Variants in PPP6R2 observed in about 807,000 individuals in gnomAD.
PPP6R2 encodes serine/threonine-protein phosphatase 6 regulatory subunit 2.
Under a neutral mutation model 100.2 loss-of-function variants are expected in PPP6R2, and 62 were observed. That is an observed-to-expected ratio of 0.62 (90% CI 0.50 to 0.76). The LOEUF (loss-of-function observed/expected upper bound fraction) is 0.76, where lower values mean the gene tolerates loss of function less well. Ranked by LOEUF, PPP6R2 falls within the 30% of genes least tolerant of loss-of-function variation. PPP6R2 has a pLI of 0.00. For synonymous variants in PPP6R2, 525 were observed against 514.7 expected, an observed-to-expected ratio of 1.02 and a Z score of -0.27; for missense variants, 1,142 against 1,276.3, an observed-to-expected ratio of 0.89 and a Z score of 1.60.
At chr22:50,441,064 A>G (rs1472712578) in intron 22 of PPP6R2, 38 bp downstream of exon 22, 3 of 1,469,588 alleles carry the variant, frequency 2.0e-6, no homozygotes, top group Non-Finnish European at 9.1e-7. Context: ...TGCCGGGTGC[A>G]TAGGGCGTGG....
In PPP6R2 at chr22:50,404,401, CT is replaced by C. The variant is rs555381535; in HGVS notation, c.228-2281del. 4.2e-3 allele frequency among the ~76,000 whole-genome samples: 634 copies of C among 150,194 alleles called. 4 individuals carry two copies. Among genetic ancestry groups the C allele is most frequent in the Middle Eastern group, 0.024 (7 of 288 alleles). ...TGAGCCACTGCACCCGGCATATATT[CT>C]TTTTTTAAGTCAGAGTCTTACTCTG... On this transcript the variant is annotated intron_variant, in intron 3 of 23. Coordinates refer to ENST00000612753, the MANE Select transcript of PPP6R2 (RefSeq NM_001242898.2).
intron 1 of PPP6R2, among the ~76,000 whole-genome samples, chr22:50,364,822 A>T (rs2048419251): frequency 6.6e-6 from 1 of 151,882 alleles, no homozygotes; most frequent in African/African-American, 2.4e-5. Context: ...AGAGTGCCAA[A>T]GTTGTATTGT....
At chr22:50,346,791 C>T (rs1478842391) in intron 1 of PPP6R2, among the ~76,000 whole-genome samples, 4 of 139,322 alleles carry the variant, frequency 2.9e-5, no homozygotes, top group Admixed American at 1.4e-4. Context: ...GTCCCCCAGT[C>T]AGAGTCCCGC....
intron 4 of PPP6R2, among the ~76,000 whole-genome samples, chr22:50,410,225 C>G (rs1283657234): frequency 6.6e-6 from 1 of 152,114 alleles, no homozygotes; most frequent in African/African-American, 2.4e-5. Context: ...GTCTGACAAA[C>G]TGTGGTCCAC....
the PPP6R2 span, among the ~76,000 whole-genome samples, chr22:50,337,895 G>A: frequency 1.4e-5 from 2 of 142,804 alleles, no homozygotes; most frequent in Non-Finnish European, 3.1e-5. Flanking sequence ...TGTGGTGTGT[G>A]TGGTCTGTGT....
rs568850247 is a variant in PPP6R2 at position 50,383,425 on chromosome 22, C to T, written c.-16-10468C>T. ...TTTAATTTTTGTTTTTAGGGTTGCC[C>T]GTGTTTTCCCAAATACAGAATTCTA... is the stretch of plus-strand genomic sequence containing the variant. On this transcript the variant is annotated intron_variant, in intron 2 of 23. Transcript: ENST00000612753. 5.9e-5 allele frequency among the ~76,000 whole-genome samples: 9 copies of T among 152,170 alleles called. No individual in the cohort carries two copies. In the East Asian group the frequency reaches 1.3e-3, roughly 23 times the overall value.
intron 3 of PPP6R2, among the ~76,000 whole-genome samples, chr22:50,403,677 C>T (rs1383130546): frequency 2.0e-5 from 3 of 152,324 alleles, no homozygotes; most frequent in East Asian, 3.9e-4. Context: ...CCTACTCCAT[C>T]GGGCCCCAGC....
chr22:50,375,503 C>G lies in PPP6R2; in HGVS notation c.-17+3353C>G, dbSNP rs115074754. On this transcript the variant is annotated intron_variant, in intron 2 of 23. Transcript: ENST00000612753. ...AATAGCCTAAAGGAGACCCTCCCCA[C>G]ACCGATGGAACTCTGAAGGGCTCTA... Among the ~76,000 whole-genome samples the G allele has an allele frequency of 2.6e-3, 401 of 152,262 alleles. 2 individuals are homozygous for G. The highest frequency in any genetic ancestry group is 9.1e-3 in the African/African-American group (377 of 41,552).
intron 1 of PPP6R2, 68 bp from the exon 2 acceptor site, chr22:50,371,949 TGTC>T (rs972037837): frequency 6.6e-6 from 1 of 152,258 alleles, no homozygotes; most frequent in Non-Finnish European, 1.5e-5. Flanking sequence ...CTTTTCCTGT[TGTC>T]TGCCATTTTG....
intron 1 of PPP6R2, among the ~76,000 whole-genome samples, chr22:50,361,321 T>C (rs2047745034): frequency 6.6e-6 from 1 of 152,220 alleles, no homozygotes; most frequent in African/African-American, 2.4e-5. Context: ...CTAGAACGGA[T>C]ACTTACTAGC....
Position 50,431,508 on chromosome 22 carries a change from T to G in PPP6R2, c.1335+126T>G, listed in dbSNP as rs545330599. The G allele has an allele frequency of 1.2e-5, 10 of 818,026 alleles. No homozygotes were observed. In the South Asian group the frequency reaches 1.7e-4, roughly 14 times the overall value. The allele number at this position is 818,026 out of a possible 1,614,324, so 50.7% of individuals were successfully genotyped here. On this transcript the variant is annotated intron_variant, in intron 11 of 23. Transcript: ENST00000612753. This position sits in a 1 kb window ranked among gnomAD's most constrained non-coding sequence, Gnocchi z 4.8. ...CACGGGGGCAGGGCTTTGAAAAGGG[T>G]CCCCAGGTGTCTGGTCAGACGCTCG...
At chr22:50,409,714 C>G (rs2059473982) in intron 4 of PPP6R2, among the ~76,000 whole-genome samples, 1 of 152,044 alleles carries the variant, frequency 6.6e-6, no homozygotes, top group Admixed American at 6.6e-5. Flanking sequence ...GCGTAAGCCA[C>G]CGCGCCCGGC....
At position 50,422,359 on chromosome 22, in the gene PPP6R2, G is replaced by C; in HGVS notation, c.951G>C (p.Gln317His). 1 of 1,614,102 alleles carries C rather than the reference G, an allele frequency of 6.2e-7. No individual in the cohort carries two copies. The highest frequency in any genetic ancestry group is 1.7e-5 in the Admixed American group (1 of 60,024). ...AGCCTCGGCTGAAGGACTTCCACCA[G>C]CTCCTGCTCAACCCGCCCAAGGTAA... ...GIEPRLKDFH[Q>H]LLLNPPKKKA... The change falls in exon 9 of 24, where the codon CAG becomes CAC. Residue 317 changes from glutamine (Q) to histidine (H), a missense_variant. This residue lies in a region of PPP6R2 where 592 missense variants were observed against 758.9 expected (regional missense o/e 0.78). Transcript: ENST00000612753.
At chr22:50,397,547 A>AG (rs58118879) in intron 3 of PPP6R2, among the ~76,000 whole-genome samples, 18,381 of 77,794 alleles carry the variant, frequency 0.24, 3,226 homozygotes, top group African/African-American at 0.26. Flanking sequence ...GCTGGGGGGC[A>AG]GGGGGCCTGT....
chr22:50,434,825 C>T, intron 12 of PPP6R2, 141 bp from the exon 13 acceptor site: 3 of 671,356 alleles, frequency 4.5e-6, no homozygotes, highest in Non-Finnish European at 4.8e-6. Flanking sequence ...TGGAGGAGGG[C>T]CGGGGGCGCG....
chr22:50,367,242 G>A (rs759798165), intron 1 of PPP6R2, among the ~76,000 whole-genome samples: 19 of 152,022 alleles, frequency 1.2e-4, no homozygotes, highest in Non-Finnish European at 2.2e-4. Context: ...GCTTTCTCCC[G>A]GGTAGGCATC....
intron 1 of PPP6R2, among the ~76,000 whole-genome samples, chr22:50,352,745 A>ACAAAAAC (rs200779446): frequency 9.1e-5 from 13 of 143,310 alleles, no homozygotes; most frequent in African/African-American, 3.0e-4. Flanking sequence ...AAAAACAAAA[A>ACAAAAAC]AAAAAAACAC....
In PPP6R2 at chr22:50,419,401, G is replaced by C; in HGVS notation, c.784G>C (p.Glu262Gln). 6.2e-7 allele frequency: 1 copy of C among 1,614,230 alleles called. No individual in the cohort carries two copies. Among genetic ancestry groups the C allele is most frequent in the South Asian group, 1.1e-5 (1 of 91,084 alleles). Residue 262 changes from glutamate to glutamine, a missense_variant, in exon 8 of 24, where the codon GAG becomes CAG. Glu to Gln is a conservative substitution (Grantham distance 29). Around this residue, in one of 2 missense-constraint regions of PPP6R2, gnomAD observed 592 missense variants for 758.9 expected, o/e 0.78. Coordinates refer to ENST00000612753, the MANE Select transcript of PPP6R2 (RefSeq NM_001242898.2). ...LKNMFDGDRT[E>Q]SCLVSGTQVL... ...GAACATGTTTGATGGAGACCGGACGGAGAGCTGCCTCGTCAGTGGGACTCA... is the reference window on the plus strand; with the variant it reads ...GAACATGTTTGATGGAGACCGGACGCAGAGCTGCCTCGTCAGTGGGACTCA...
At chr22:50,391,014 A>G (rs2055401910) in intron 2 of PPP6R2, among the ~76,000 whole-genome samples, 2 of 150,740 alleles carry the variant, frequency 1.3e-5, no homozygotes, top group African/African-American at 4.9e-5. Flanking sequence ...AAAAAAAAAG[A>G]AAAGAAATTC....
Sources: gnomAD v4.1 joint callset for allele counts (sites outside exome capture counted in the v4.1 genomes callset) on GRCh38, gnomAD v4.1.1 for gene constraint, gnomAD v4.1.1 regional missense constraint, Gnocchi (gnomAD v3.1) non-coding constraint, MANE v1.5 for transcripts, NCBI Gene and HGNC (gene_info 2026-07-23, HGNC 2026-07-21) for gene names.